Variants in DNAH8 observed in about 807,000 individuals in gnomAD.
DNAH8 encodes axonemal beta dynein heavy chain 8.
DNAH8 carries 382 observed loss-of-function variants against 562.1 expected under a neutral mutation model. The observed-to-expected ratio is 0.68, with a 90% CI of 0.63 to 0.74. DNAH8 has a LOEUF of 0.74. Ranked by LOEUF, DNAH8 falls within the 30% of genes least tolerant of loss-of-function variation. DNAH8 has a pLI of 0.00. For synonymous variants in DNAH8, 1,881 were observed against 1,919.4 expected (o/e 0.98, Z 0.52); for missense variants, 5,203 against 5,620.4 (o/e 0.93, Z 2.37).
At chr6:38,847,110 G>A (rs1354773659) in intron 36 of DNAH8, among the ~76,000 whole-genome samples, 4 of 152,056 alleles carry the variant, frequency 2.6e-5, no homozygotes, top group Non-Finnish European at 5.9e-5. Flanking sequence ...TGTCTCCTTC[G>A]GTAAGACTTG....
At chr6:38,976,010 G>A (rs1763647318) in intron 85 of DNAH8, among the ~76,000 whole-genome samples, 1 of 152,188 alleles carries the variant, frequency 6.6e-6, no homozygotes, top group African/African-American at 2.4e-5. Context: ...AAGTGCCCTT[G>A]CACTTAACAC....
At position 38,827,733 on chromosome 6, in the gene DNAH8, CTTTTTTTTTTTTTTTTTTTT is replaced by C. The variant is rs562852660; in HGVS notation, c.4084-432_4084-413del. Among the ~76,000 whole-genome samples, 45 of 52,244 alleles carry C rather than the reference CTTTTTTTTTTTTTTTTTTTT, an allele frequency of 8.6e-4. 4 individuals are homozygous for C. The highest frequency in any genetic ancestry group is 1.2e-3 in the Admixed American group (5 of 4,146). 34.3% of individuals were successfully genotyped at this position (52,244 alleles called of 152,430 possible). A position where few individuals can be genotyped will look rare whatever the true frequency, so the allele number is the denominator to read the frequency against. ...TGCAAAAGCTTAATTCTTTACCAAA[CTTTTTTTTTTTTTTTTTTTT>C]TTTTTTTTTTTTTTTTTTGGTGAAG... On this transcript the variant is annotated intron_variant, in intron 29 of 92. Coordinates refer to ENST00000327475, the MANE Select transcript of DNAH8 (RefSeq NM_001206927.2).
Position 38,917,383 on chromosome 6 carries a change from C to G in DNAH8, c.10285C>G (p.Pro3429Ala). The change falls in exon 69 of 93, where the codon CCA becomes GCA. Residue 3429 changes from proline to alanine, a missense_variant. Pro to Ala is a conservative substitution (Grantham distance 27). Coordinates refer to ENST00000327475, the MANE Select transcript of DNAH8 (RefSeq NM_001206927.2). Reference protein sequence around the residue: ...TMDPEKSCCKPSWGESLKLMS... With the variant: ...TMDPEKSCCKASWGESLKLMS... ...GGATCCAGAAAAATCTTGCTGTAAG[C>G]CATCATGGGGAGAGTCATTAAAGGT... The G allele has an allele frequency of 1.9e-6, 3 of 1,613,394 alleles. No homozygotes were observed. The highest frequency in any genetic ancestry group is 2.5e-6 in the Non-Finnish European group (3 of 1,179,572).
intron 56 of DNAH8, 84 bp from the exon 57 acceptor site, chr6:38,886,707 T>C: frequency 1.9e-6 from 2 of 1,070,130 alleles, no homozygotes; most frequent in South Asian, 2.6e-5. Flanking sequence ...TGTTTTCTTC[T>C]AATCTCATTT....
chr6:38,815,622 A>C lies in DNAH8; in HGVS notation c.3488A>C (p.His1163Pro), dbSNP rs775236937. The C allele has an allele frequency of 3.1e-6, 5 of 1,613,318 alleles. No individual in the cohort carries two copies. The highest frequency in any genetic ancestry group is 4.2e-6 in the Non-Finnish European group (5 of 1,179,534). Residue 1163 changes from histidine to proline, a missense_variant, in exon 26 of 93, where the codon CAT (histidine) becomes CCT (proline). Physicochemically the swap from His to Pro is moderately conservative, Grantham distance 77. Coordinates refer to ENST00000327475, the MANE Select transcript of DNAH8 (RefSeq NM_001206927.2). ...IPSPTTTDVTHQNTGKLLKKE... is the reference protein window; with the variant it reads ...IPSPTTTDVTPQNTGKLLKKE... ...AGCCCCACCACTACTGACGTGACCCATCAAAACACAGGAAAACTGCTGAAG... is the reference window on the plus strand; with the variant it reads ...AGCCCCACCACTACTGACGTGACCCCTCAAAACACAGGAAAACTGCTGAAG...
chr6:38,972,921 C>T (rs1460768039), intron 83 of DNAH8, among the ~76,000 whole-genome samples: 4 of 152,124 alleles, frequency 2.6e-5, no homozygotes, highest in Non-Finnish European at 5.9e-5. Flanking sequence ...GTTGTATTTT[C>T]GCTTACAGTT....
chr6:38,917,990 G>A lies in DNAH8; in HGVS notation c.10374G>A (p.Glu3458=), dbSNP rs200987745. 8.1e-6 allele frequency: 13 copies of A among 1,613,710 alleles called. No homozygotes were observed. Among genetic ancestry groups the A allele is most frequent in the Admixed American group, 5.0e-5 (3 of 59,972 alleles). Residue 3458 remains glutamate, a synonymous_variant, in exon 70 of 93, where the codon GAG becomes GAA. Transcript: ENST00000327475. ...TCCCTAAGGACACTATAAATGAAGA[G>A]ACTGTTGAGTTACTACAGCCATATT... The part of the protein sequence containing the change: ...QQFPKDTINE[E]TVELLQPYFN...
At chr6:38,794,086 A>G (rs1166163500) in intron 21 of DNAH8, among the ~76,000 whole-genome samples, 1 of 152,216 alleles carries the variant, frequency 6.6e-6, no homozygotes, top group Admixed American at 6.5e-5. Context: ...CATAGATTGT[A>G]TAAACTCAAG....
intron 3 of DNAH8, among the ~76,000 whole-genome samples, chr6:38,729,687 C>A (rs548094315): frequency 1.3e-5 from 2 of 152,196 alleles, no homozygotes; most frequent in African/African-American, 4.8e-5. Context: ...TAAGTGGCTG[C>A]CCAAAACTAT....
At chr6:38,968,550 A>G (rs1421981709) in intron 82 of DNAH8, among the ~76,000 whole-genome samples, 2 of 152,164 alleles carry the variant, frequency 1.3e-5, no homozygotes, top group Non-Finnish European at 2.9e-5. Flanking sequence ...TTTGTTAGTT[A>G]TTAGGGAAAT....
intron 85 of DNAH8, among the ~76,000 whole-genome samples, chr6:38,981,976 T>C (rs143069484): frequency 1.6e-4 from 25 of 152,320 alleles, no homozygotes; most frequent in Admixed American, 1.6e-3. Context: ...TTTAGATGTG[T>C]CTAGATACAC....
At position 38,990,097 on chromosome 6, in the gene DNAH8, A is replaced by G. The variant is rs765516705; in HGVS notation, c.13139A>G (p.Tyr4380Cys). ...KIPLCKTLDQYFEYIQSLPSL... is the reference protein window; with the variant it reads ...KIPLCKTLDQCFEYIQSLPSL... ...CCCTTATGCAAAACCTTAGACCAGT[A>G]TTTTGAATACATCCAGTCACTGCCA... Residue 4380 changes from tyrosine (Y) to cysteine (C), a missense_variant, in exon 88 of 93, where the codon TAT (tyrosine) becomes TGT (cysteine). Transcript: ENST00000327475. 6.2e-7 allele frequency: 1 copy of G among 1,603,034 alleles called. No homozygotes were observed. The highest frequency in any genetic ancestry group is 1.7e-5 in the Admixed American group (1 of 59,980).
intron 8 of DNAH8, among the ~76,000 whole-genome samples, chr6:38,745,147 C>T (rs1047988016): frequency 6.6e-6 from 1 of 152,124 alleles, no homozygotes; most frequent in Admixed American, 6.6e-5. Context: ...GGATAAATTC[C>T]CCTAAACTCA....
intron 88 of DNAH8, among the ~76,000 whole-genome samples, chr6:38,999,295 T>C: frequency 6.6e-6 from 1 of 152,182 alleles, no homozygotes; most frequent in East Asian, 1.9e-4. Flanking sequence ...ATCTCTGCAA[T>C]GGTGTGCACT....
chr6:38,762,638 A>G (rs1766629092), intron 11 of DNAH8, among the ~76,000 whole-genome samples: 1 of 152,230 alleles, frequency 6.6e-6, no homozygotes, highest in African/African-American at 2.4e-5. Flanking sequence ...TATAAAATTA[A>G]AGTGACCTGT....
intron 3 of DNAH8, among the ~76,000 whole-genome samples, chr6:38,724,229 C>T (rs575414488): frequency 6.6e-6 from 1 of 152,046 alleles, no homozygotes; most frequent in South Asian, 2.1e-4. Flanking sequence ...GATCTGCCCA[C>T]CTTGGCCTCC....
At chr6:38,958,461 C>T (rs1583456356) in intron 82 of DNAH8, among the ~76,000 whole-genome samples, 1 of 138,276 alleles carries the variant, frequency 7.2e-6, no homozygotes, top group Non-Finnish European at 1.6e-5. Context: ...TAACTGATAA[C>T]ACAGAAATAC....
At chr6:38,993,408 T>A (rs141897791) in intron 88 of DNAH8, among the ~76,000 whole-genome samples, 140 of 151,538 alleles carry the variant, frequency 9.2e-4, no homozygotes, top group Non-Finnish European at 1.6e-3. Context: ...TATATAGTTA[T>A]GTTTATTTGT....
chr6:38,830,571 T>C (rs1678727), intron 30 of DNAH8, among the ~76,000 whole-genome samples: 99,353 of 148,220 alleles, frequency 0.67, 33,643 homozygotes, highest in East Asian at 0.85. Flanking sequence ...GGAGGCGGAG[T>C]TTCCAGTGAG....
Sources: gnomAD v4.1 joint callset for allele counts (sites outside exome capture counted in the v4.1 genomes callset) on GRCh38, gnomAD v4.1.1 for gene constraint, MANE v1.5 for transcripts, NCBI Gene and HGNC (gene_info 2026-07-23, HGNC 2026-07-21) for gene names.